The following PARD3 variants were observed in gnomAD, a reference collection of about 807,000 sequenced individuals.
PARD3 encodes par-3 family cell polarity regulator, also known as partitioning defective 3 homolog.
Under a neutral mutation model 155.4 loss-of-function variants are expected in PARD3, and 75 were observed. That is an observed-to-expected ratio of 0.48 (90% CI 0.40 to 0.58). The LOEUF (loss-of-function observed/expected upper bound fraction) is 0.58, where lower values mean the gene tolerates loss of function less well. Ranked by LOEUF, PARD3 falls within the 20% of genes least tolerant of loss-of-function variation. The probability of loss-of-function intolerance (pLI) is 0.00; values close to 1 mark genes in which losing one functional copy is unlikely to be tolerated. For missense variants in PARD3, 1,642 were observed against 1,721.7 expected, an observed-to-expected ratio of 0.95 and a Z score of 0.82; for synonymous variants, 576 against 610.5, an observed-to-expected ratio of 0.94 and a Z score of 0.83.
chr10:34,575,242 T>G (rs2086789629), intron 2 of PARD3, among the ~76,000 whole-genome samples: 1 of 152,204 alleles, frequency 6.6e-6, no homozygotes, highest in Non-Finnish European at 1.5e-5. Context: ...TCGTATTATA[T>G]CTTATGTGAG....
At chr10:34,814,322 G>A (rs895257587) in intron 1 of PARD3, among the ~76,000 whole-genome samples, 1 of 152,098 alleles carries the variant, frequency 6.6e-6, no homozygotes, top group South Asian at 2.1e-4. Context: ...CCTACCAGCA[G>A]GGGACATGGA....
rs930276821 is a variant in PARD3, at chr10:34,281,575, A to T, written c.3176+2560T>A. On this transcript the variant is annotated intron_variant, in intron 21 of 24. Coordinates refer to ENST00000374788, the MANE Select transcript of PARD3 (RefSeq NM_001184785.2). The stretch of plus-strand genomic sequence containing the variant: ...CAAGACCCAACCTCACAGTGTTGGT[A>T]GCAAGTGACAGAAAGGGAAGGAAGT... 5.9e-5 allele frequency among the ~76,000 whole-genome samples: 9 copies of T among 152,170 alleles called. No individual in the cohort carries two copies. The South Asian group carries it at 8.3e-4, about 14-fold the overall frequency.
At chr10:34,487,598 T>C (rs112803621) in intron 3 of PARD3, among the ~76,000 whole-genome samples, 1,803 of 151,238 alleles carry the variant, frequency 0.012, 31 homozygotes, top group African/African-American at 0.039. Context: ...GCTTCAAATA[T>C]TGGTGATAAA....
rs193205620 is a variant in PARD3 at position 34,355,867 on chromosome 10, G to A, written c.2067+3280C>T. Among the ~76,000 whole-genome samples, 1,034 of 137,374 alleles carry A rather than the reference G, an allele frequency of 7.5e-3. 13 individuals carry two copies. The highest frequency in any genetic ancestry group is 0.026 in the African/African-American group (1,001 of 37,812). The allele number at this position is 137,374 out of a possible 152,430, so 90.1% of individuals were successfully genotyped here. On this transcript the variant is annotated intron_variant, in intron 14 of 24. Transcript: ENST00000374788. ...TTGAACCCGGGAGGCGGAGGTTGCAGTGAGCCAAGATCACGCCACTGCACT... is the reference window on the plus strand; with the variant it reads ...TTGAACCCGGGAGGCGGAGGTTGCAATGAGCCAAGATCACGCCACTGCACT...
chr10:34,814,986 T>C lies in PARD3; in HGVS notation c.10A>G (p.Thr4Ala). Residue 4 changes from threonine to alanine, a missense_variant, in exon 1 of 25, where the codon ACC becomes GCC. Physicochemically the swap from Thr to Ala is moderately conservative, Grantham distance 58 (BLOSUM62 0). Coordinates refer to ENST00000374788, the MANE Select transcript of PARD3 (RefSeq NM_001184785.2). MKVTVCFGRTRVVV... is the reference protein window; with the variant it reads MKVAVCFGRTRVVV... Reference sequence around the variant, plus strand: ...ACCCGGGTCCGTCCGAAGCACACGGTCACTTTCATGCCGCCGCCGCCGCGG... The same window carrying C: ...ACCCGGGTCCGTCCGAAGCACACGGCCACTTTCATGCCGCCGCCGCCGCGG... 6.6e-7 allele frequency: 1 copy of C among 1,524,032 alleles called. No homozygotes were observed. Among genetic ancestry groups the C allele is most frequent in the Non-Finnish European group, 8.8e-7 (1 of 1,136,052 alleles). The allele number at this position is 1,524,032 out of a possible 1,614,324, so 94.4% of individuals were successfully genotyped here. A position where few individuals can be genotyped will look rare whatever the true frequency, so the allele number is the denominator to read the frequency against.
intron 1 of PARD3, among the ~76,000 whole-genome samples, chr10:34,700,732 G>A (rs1007586498): frequency 3.9e-5 from 6 of 152,174 alleles, no homozygotes; most frequent in Admixed American, 3.9e-4. Flanking sequence ...AGTACTTTGG[G>A]AGGCTGAGGC....
intron 2 of PARD3, among the ~76,000 whole-genome samples, chr10:34,657,736 G>C (rs1393986296): frequency 6.6e-6 from 1 of 151,898 alleles, no homozygotes; most frequent in African/African-American, 2.4e-5. Context: ...ACGTGGTTTC[G>C]CCATGTTGGC....
chr10:34,500,721 T>C (rs986380999), intron 3 of PARD3, among the ~76,000 whole-genome samples: 1 of 152,138 alleles, frequency 6.6e-6, no homozygotes, highest in Non-Finnish European at 1.5e-5. Flanking sequence ...CAGTCTGTTA[T>C]GTTCCAATAA....
At chr10:34,219,872 C>T (rs1308311987) in intron 22 of PARD3, among the ~76,000 whole-genome samples, 1 of 152,162 alleles carries the variant, frequency 6.6e-6, no homozygotes, top group Non-Finnish European at 1.5e-5. Flanking sequence ...AGAGTTTAAA[C>T]CCTAAGATCT....
intron 7 of PARD3, among the ~76,000 whole-genome samples, chr10:34,388,440 A>G (rs1489530360): frequency 6.6e-6 from 1 of 152,204 alleles, no homozygotes; most frequent in Non-Finnish European, 1.5e-5. Context: ...AGTAGTAAGA[A>G]GAGACACTTT....
At chr10:34,683,228 C>T (rs1013134161) in intron 2 of PARD3, among the ~76,000 whole-genome samples, 1 of 151,934 alleles carries the variant, frequency 6.6e-6, no homozygotes, top group African/African-American at 2.4e-5. Context: ...TGGACACTGG[C>T]GACTCCAAAA....
chr10:34,534,048 T>C (rs561227503), intron 2 of PARD3, among the ~76,000 whole-genome samples: 2 of 152,044 alleles, frequency 1.3e-5, no homozygotes, highest in Non-Finnish European at 2.9e-5. Flanking sequence ...GGTTAACTTT[T>C]GGAGGCAGGT....
chr10:34,746,589 A>T (rs1835365331), intron 1 of PARD3, among the ~76,000 whole-genome samples: 1 of 152,188 alleles, frequency 6.6e-6, no homozygotes, highest in African/African-American at 2.4e-5. Context: ...AGCCAGCTTC[A>T]TATCAAGTAG....
Position 34,430,253 on chromosome 10 carries a change from CAT to C in PARD3, c.714+20062_714+20063del, listed in dbSNP as rs1168334210. ...ACATGAAAAACATAACCATCTAACA[CAT>C]ATGAGAAATATAAAGATAATACTGA... On this transcript the variant is annotated intron_variant, in intron 5 of 24. Coordinates refer to ENST00000374788, the MANE Select transcript of PARD3 (RefSeq NM_001184785.2). 5.9e-5 allele frequency among the ~76,000 whole-genome samples: 9 copies of C among 152,274 alleles called. No individual in the cohort carries two copies. The South Asian group carries it at 6.2e-4, about 11-fold the overall frequency.
chr10:34,589,502 T>C (rs190835501), intron 2 of PARD3, among the ~76,000 whole-genome samples: 292 of 152,064 alleles, frequency 1.9e-3, no homozygotes, highest in African/African-American at 6.3e-3. Flanking sequence ...AACATAAAAA[T>C]GACCATCTGC....
intron 21 of PARD3, among the ~76,000 whole-genome samples, chr10:34,273,714 AT>A (rs951549589): frequency 2.6e-5 from 4 of 152,194 alleles, no homozygotes; most frequent in African/African-American, 9.7e-5. Context: ...ATCTAAAATT[AT>A]TACAAACTTA....
At chr10:34,514,568 A>G (rs2081593021) in intron 3 of PARD3, among the ~76,000 whole-genome samples, 2 of 152,252 alleles carry the variant, frequency 1.3e-5, no homozygotes, top group Non-Finnish European at 2.9e-5. Context: ...AATGCCTGCC[A>G]AGATCTGAAA....
chr10:34,516,453 A>G (rs902190825), intron 3 of PARD3, among the ~76,000 whole-genome samples: 1 of 152,214 alleles, frequency 6.6e-6, no homozygotes, highest in Non-Finnish European at 1.5e-5. Context: ...CCAGGGTCCT[A>G]GGATTCCTCA....
intron 14 of PARD3, among the ~76,000 whole-genome samples, chr10:34,357,855 C>T (rs1336235485): frequency 6.6e-6 from 1 of 152,156 alleles, no homozygotes; most frequent in Non-Finnish European, 1.5e-5. Flanking sequence ...CAGAATACGT[C>T]ACCTCTATAT....
Sources: allele counts gnomAD v4.1 joint callset (sites outside exome capture counted in the v4.1 genomes callset), GRCh38; gene constraint gnomAD v4.1.1; transcripts MANE v1.5; gene names NCBI Gene and HGNC (gene_info 2026-07-23, HGNC 2026-07-21).